The following FSTL5 variants were observed in gnomAD, a reference collection of about 807,000 sequenced individuals.
FSTL5 encodes the protein follistatin like 5.
In FSTL5, 62 loss-of-function variants were observed where a neutral mutation model predicts 89.1. The observed-to-expected ratio is 0.70, with a 90% confidence interval of 0.57 to 0.86. The LOEUF (loss-of-function observed/expected upper bound fraction) is 0.86, where lower values mean the gene tolerates loss of function less well. Ranked by LOEUF, FSTL5 falls within the 40% of genes least tolerant of loss-of-function variation. FSTL5 has a pLI of 0.00. For synonymous variants in FSTL5, 383 were observed against 346.2 expected, an observed-to-expected ratio of 1.11 and a Z score of -1.18; for missense variants, 1,057 against 1,001.6, an observed-to-expected ratio of 1.06 and a Z score of -0.75.
At chr4:161,731,729 A>C (rs908488489) in intron 6 of FSTL5, among the ~76,000 whole-genome samples, 1 of 151,580 alleles carries the variant, frequency 6.6e-6, no homozygotes, top group Non-Finnish European at 1.5e-5. Context: ...ATTTTTAAAG[A>C]ATTTTTATGA....
At position 161,563,214 on chromosome 4, in the gene FSTL5, T is replaced by G. The variant is rs79461364; in HGVS notation, c.1016-20521A>C. 7.7e-3 allele frequency among the ~76,000 whole-genome samples: 1,167 copies of G among 152,156 alleles called. 14 individuals carry two copies. Among genetic ancestry groups the G allele is most frequent in the African/African-American group, 0.027 (1,109 of 41,552 alleles). On this transcript the variant is annotated intron_variant, in intron 8 of 15. Coordinates refer to ENST00000306100, the MANE Select transcript of FSTL5 (RefSeq NM_020116.5). The stretch of plus-strand genomic sequence containing the variant: ...ATTTATCTATCAACAAACACTTGGG[T>G]TGCTTCCATATTTTAGCTATTGTAA...
chr4:162,134,464 C>A (rs1286768930), intron 1 of FSTL5, among the ~76,000 whole-genome samples: 1 of 152,112 alleles, frequency 6.6e-6, no homozygotes, highest in Non-Finnish European at 1.5e-5. Context: ...ACATGGTAGA[C>A]CACCTGAGAA....
intron 6 of FSTL5, among the ~76,000 whole-genome samples, chr4:161,665,466 C>G (rs1736860517): frequency 6.6e-6 from 1 of 152,256 alleles, no homozygotes; most frequent in South Asian, 2.1e-4. Context: ...ATCTCCTGAC[C>G]TCGTGATCTC....
intron 4 of FSTL5, among the ~76,000 whole-genome samples, chr4:161,903,992 T>A (rs1306720756): frequency 6.6e-6 from 1 of 151,894 alleles, no homozygotes; most frequent in East Asian, 1.9e-4. Context: ...GCCTATCTAG[T>A]GAGAAAAAAA....
chr4:161,603,806 T>G (rs1734339090), intron 7 of FSTL5, among the ~76,000 whole-genome samples: 1 of 152,020 alleles, frequency 6.6e-6, no homozygotes, highest in East Asian at 1.9e-4. Flanking sequence ...TGAAAAATAT[T>G]GCTTATAATT....
intron 6 of FSTL5, among the ~76,000 whole-genome samples, chr4:161,726,966 A>G (rs1739448073): frequency 6.6e-6 from 1 of 151,516 alleles, no homozygotes; most frequent in Non-Finnish European, 1.5e-5. Flanking sequence ...GATAAAGAAA[A>G]GCATTAAAAT....
At chr4:161,672,925 A>AT (rs1192208620) in intron 6 of FSTL5, among the ~76,000 whole-genome samples, 4 of 151,948 alleles carry the variant, frequency 2.6e-5, no homozygotes, top group Non-Finnish European at 5.9e-5. Context: ...TCTAGACATA[A>AT]TTTTTTTAAA....
At chr4:161,525,046 G>T (rs1306543867) in intron 10 of FSTL5, among the ~76,000 whole-genome samples, 1 of 151,850 alleles carries the variant, frequency 6.6e-6, no homozygotes, top group African/African-American at 2.4e-5. Flanking sequence ...AACCATCAAA[G>T]ATCAGCTCTA....
chr4:161,871,617 T>C (rs1047274082), intron 4 of FSTL5, among the ~76,000 whole-genome samples: 2 of 152,198 alleles, frequency 1.3e-5, no homozygotes, highest in African/African-American at 4.8e-5. Flanking sequence ...ATGTTCTTCA[T>C]TTTCAAGGAA....
chr4:161,715,943 AG>A lies in FSTL5; in HGVS notation c.727+43467del, dbSNP rs1434134674. On this transcript the variant is annotated intron_variant, in intron 6 of 15. Transcript: ENST00000306100. ...GCCAATCTTGCTCTCTCCCTATTCC[AG>A]GGACTGCATTCTTTATATTACAGCC... Among the ~76,000 whole-genome samples the A allele has an allele frequency of 1.1e-3, 171 of 152,324 alleles. 1 individual carries two copies. Among genetic ancestry groups the A allele is most frequent in the African/African-American group, 4.0e-3 (167 of 41,588 alleles).
intron 4 of FSTL5, among the ~76,000 whole-genome samples, chr4:161,896,213 A>G (rs1232324588): frequency 1.3e-5 from 2 of 152,168 alleles, no homozygotes; most frequent in Non-Finnish European, 1.5e-5. Flanking sequence ...TGCTATCTGA[A>G]ATATTTCATT....
chr4:161,561,687 A>T (rs1439551299), intron 8 of FSTL5, among the ~76,000 whole-genome samples: 1 of 152,088 alleles, frequency 6.6e-6, no homozygotes, highest in Non-Finnish European at 1.5e-5. Context: ...TGTTTTCATT[A>T]GTGTGAAGAA....
rs201347252 is a variant in FSTL5 at position 161,859,555 on chromosome 4, T to TA, written c.409+60848dup. On this transcript the variant is annotated intron_variant, in intron 4 of 15. Transcript: ENST00000306100. ...CCAACATTCTGCATCTTTCAATATT[T>TA]AAAAAAATATATACTTGCTCAATTT... Among the ~76,000 whole-genome samples, 1,457 of 152,212 alleles carry TA rather than the reference T, an allele frequency of 9.6e-3. 20 individuals carry two copies. Among genetic ancestry groups the TA allele is most frequent in the African/African-American group, 0.032 (1,343 of 41,522 alleles).
chr4:161,518,268 G>C (rs994959287), intron 10 of FSTL5, among the ~76,000 whole-genome samples: 1 of 152,166 alleles, frequency 6.6e-6, no homozygotes, highest in African/African-American at 2.4e-5. Flanking sequence ...TTTTGAAAAA[G>C]TGATGAGATG....
At chr4:161,447,695 G>A (rs937318162) in intron 15 of FSTL5, among the ~76,000 whole-genome samples, 5 of 152,084 alleles carry the variant, frequency 3.3e-5, no homozygotes, top group African/African-American at 1.2e-4. Flanking sequence ...ATGAAAAAAA[G>A]AGAGTGGCAT....
chr4:161,470,470 C>A (rs62324261), intron 13 of FSTL5, among the ~76,000 whole-genome samples: 10,496 of 151,440 alleles, frequency 0.069, 478 homozygotes, highest in Middle Eastern at 0.11. Context: ...GCTAGTACTA[C>A]ACAGTTTTTG....
chr4:161,787,997 G>C (rs994953748), intron 4 of FSTL5, among the ~76,000 whole-genome samples: 1 of 152,142 alleles, frequency 6.6e-6, no homozygotes, highest in Non-Finnish European at 1.5e-5. Flanking sequence ...TCTGATGTCA[G>C]TAGGGAGATG....
intron 10 of FSTL5, among the ~76,000 whole-genome samples, chr4:161,537,195 G>A (rs985652918): frequency 7.9e-5 from 12 of 152,110 alleles, no homozygotes; most frequent in Non-Finnish European, 1.6e-4. Flanking sequence ...GAAGACCCCT[G>A]GCTGGATCAA....
chr4:161,522,574 AT>A (rs1309931144), intron 10 of FSTL5, among the ~76,000 whole-genome samples: 1 of 151,374 alleles, frequency 6.6e-6, no homozygotes, highest in Admixed American at 6.6e-5. Context: ...TACATATATA[AT>A]TTTTTTCTAA....
Sources: allele counts gnomAD v4.1 joint callset (sites outside exome capture counted in the v4.1 genomes callset), GRCh38; gene constraint gnomAD v4.1.1; transcripts MANE v1.5; gene names NCBI Gene and HGNC (gene_info 2026-07-23, HGNC 2026-07-21).